The following LGMN variants were observed in gnomAD, a reference collection of about 807,000 sequenced individuals.
LGMN encodes the protein asparaginyl endopeptidase.
Under a neutral mutation model 56.8 loss-of-function variants are expected in LGMN, and 36 were observed. That is an observed-to-expected ratio of 0.63 (90% CI 0.49 to 0.84). The LOEUF is 0.84. Ranked by LOEUF, LGMN falls within the 40% of genes least tolerant of loss-of-function variation. LGMN has a pLI of 0.00. For missense variants in LGMN, 446 were observed against 556.1 expected (o/e 0.80, Z 1.99); for synonymous variants, 199 against 210.1 (o/e 0.95, Z 0.46).
At chr14:92,710,672 T>A (rs1889715050) in intron 10 of LGMN, among the ~76,000 whole-genome samples, 1 of 152,104 alleles carries the variant, frequency 6.6e-6, no homozygotes, top group Non-Finnish European at 1.5e-5. Context: ...CCACCACAAC[T>A]CCTCAACCAA....
intron 11 of LGMN, among the ~76,000 whole-genome samples, chr14:92,707,398 A>G (rs1889493239): frequency 6.6e-6 from 1 of 152,218 alleles, no homozygotes; most frequent in Admixed American, 6.5e-5. Flanking sequence ...CCAGAACCAC[A>G]GACTCCCCAA....
At chr14:92,715,073 A>C (rs1889999095) in intron 5 of LGMN, among the ~76,000 whole-genome samples, 1 of 142,618 alleles carries the variant, frequency 7.0e-6, no homozygotes, top group Non-Finnish European at 1.5e-5. Context: ...ATCTCAGCTC[A>C]CTGTAACTTC....
Position 92,730,822 on chromosome 14 carries a change from C to T in LGMN, c.138+1827G>A, listed in dbSNP as rs2016369. 2.0e-5 allele frequency among the ~76,000 whole-genome samples: 3 copies of T among 151,356 alleles called. No individual in the cohort carries two copies. The East Asian group carries it at 5.8e-4, about 29-fold the overall frequency. ...AGCTGGACCTGTAATATCAGCTACT[C>T]GGGAGGCTGAGGCAGGAGAATAGCT... On this transcript the variant is annotated intron_variant, in intron 2 of 13. Transcript: ENST00000334869.
At chr14:92,733,360 T>C (rs1891150255) in intron 1 of LGMN, among the ~76,000 whole-genome samples, 1 of 152,086 alleles carries the variant, frequency 6.6e-6, no homozygotes, top group South Asian at 2.1e-4. Flanking sequence ...GTCATGCATA[T>C]AAAATAAAAG....
chr14:92,725,810 G>T (rs1890714035), intron 2 of LGMN, among the ~76,000 whole-genome samples: 1 of 151,934 alleles, frequency 6.6e-6, no homozygotes, highest in African/African-American at 2.4e-5. Context: ...CCTGACCTCA[G>T]GTGATCCACC....
intron 12 of LGMN, among the ~76,000 whole-genome samples, chr14:92,705,587 G>C (rs1889389536): frequency 6.6e-6 from 1 of 152,126 alleles, no homozygotes; most frequent in Non-Finnish European, 1.5e-5. Context: ...AGAAGCCAGG[G>C]ACAGGGACAA....
chr14:92,748,159 G>T (rs1377642402), intron 1 of LGMN, among the ~76,000 whole-genome samples: 1 of 152,068 alleles, frequency 6.6e-6, no homozygotes, highest in Non-Finnish European at 1.5e-5. Context: ...CCCAGTAGGG[G>T]CCCTTGGCTG....
At chr14:92,734,204 G>T (rs922366863) in intron 1 of LGMN, among the ~76,000 whole-genome samples, 1 of 147,504 alleles carries the variant, frequency 6.8e-6, no homozygotes, top group African/African-American at 2.4e-5. Flanking sequence ...AGAGGTTAGG[G>T]TCTGAGAGCA....
chr14:92,729,128 T>C (rs2140254128), intron 2 of LGMN, among the ~76,000 whole-genome samples: 1 of 82,796 alleles, frequency 1.2e-5, no homozygotes, highest in Middle Eastern at 5.4e-3. Context: ...TCAGCTTTTC[T>C]TTTTTTTTTT....
intron 1 of LGMN, among the ~76,000 whole-genome samples, chr14:92,745,321 A>G (rs1354469168): frequency 1.3e-5 from 2 of 152,212 alleles, no homozygotes; most frequent in African/African-American, 4.8e-5. Context: ...TTATAGCTAC[A>G]TGTTAACTCA....
At chr14:92,717,088 T>C (rs528048635) in intron 4 of LGMN, among the ~76,000 whole-genome samples, 15 of 152,346 alleles carry the variant, frequency 9.8e-5, no homozygotes, top group Non-Finnish European at 1.9e-4. Flanking sequence ...ATCAGATTAA[T>C]GGTGATATCT....
In LGMN at chr14:92,714,393, C is replaced by T; in HGVS notation, c.463G>A (p.Val155Ile). The T allele has an allele frequency of 6.2e-7, 1 of 1,609,728 alleles. No individual in the cohort carries two copies. Among genetic ancestry groups the T allele is most frequent in the South Asian group, 1.1e-5 (1 of 90,940 alleles). Residue 155 changes from valine to isoleucine, a missense_variant, in exon 6 of 14, where the codon GTT (valine) becomes ATT (isoleucine). Transcript: ENST00000334869. The surrounding 1 kb of genome is among the most constrained non-coding windows in gnomAD (Gnocchi z 5.1). ...AAACTCACATCTTCATTGGGAAAAA[C>T]CAGTATTCCAGTAGATCCATGGTCA... is the stretch of plus-strand genomic sequence containing the variant. ...FTDHGSTGIL[V>I]FPNEDLHVKD...
rs1951708 is a variant in LGMN at position 92,711,846 on chromosome 14, A to G, written c.720T>C (p.Asp240=). Residue 240 remains aspartate, a synonymous_variant, in exon 9 of 14, where the codon GAT becomes GAC. Coordinates refer to ENST00000334869, the MANE Select transcript of LGMN (RefSeq NM_005606.7). ...GDWYSVNWME[D]SDVEDLTKET... ...CCCCCAAAGGGCTCACCACGTCCGA[A>G]TCTTCCATCCAGTTGACGCTGTACC... 1,612,370 of 1,613,206 alleles carry G rather than the reference A, an allele frequency of 1. 805,771 individuals are homozygous for G. The highest frequency in any genetic ancestry group is 1 in the East Asian group (44,872 of 44,872).
chr14:92,745,029 G>A (rs1891757520), intron 1 of LGMN, among the ~76,000 whole-genome samples: 1 of 152,170 alleles, frequency 6.6e-6, no homozygotes, highest in Non-Finnish European at 1.5e-5. Flanking sequence ...TGGGCACAGT[G>A]TCTCCTGCCT....
At chr14:92,721,579 G>A (rs1329412048) in intron 2 of LGMN, among the ~76,000 whole-genome samples, 1 of 152,172 alleles carries the variant, frequency 6.6e-6, no homozygotes, top group Non-Finnish European at 1.5e-5. Flanking sequence ...ACTCCACTCT[G>A]GAAAACATCT....
chr14:92,746,913 G>A (rs767138598), intron 1 of LGMN, among the ~76,000 whole-genome samples: 35 of 152,008 alleles, frequency 2.3e-4, no homozygotes, highest in Non-Finnish European at 4.7e-4. Flanking sequence ...GCGGGCGCCT[G>A]TAGTCCTAGC....
chr14:92,719,242 ACCG>A (rs1566924052), intron 2 of LGMN, among the ~76,000 whole-genome samples: 4 of 22,796 alleles, frequency 1.8e-4, no homozygotes, highest in Non-Finnish European at 2.3e-4. Flanking sequence ...CACCGCCACC[ACCG>A]CCACCACCAC....
rs541026074 is a variant in LGMN, at chr14:92,712,353, A to T, written c.611-398T>A. ...TGAACCTATACAAAAGCTACCACTT[A>T]CTATCTCTCTACCATGGGCTTAGAA... On this transcript the variant is annotated intron_variant, in intron 8 of 13. Transcript: ENST00000334869. Among the ~76,000 whole-genome samples, 3 of 152,330 alleles carry T rather than the reference A, an allele frequency of 2.0e-5. No individual in the cohort carries two copies. The East Asian group carries it at 5.8e-4, about 29-fold the overall frequency.
intron 1 of LGMN, among the ~76,000 whole-genome samples, chr14:92,746,427 C>T (rs1891822967): frequency 6.6e-6 from 1 of 152,172 alleles, no homozygotes; most frequent in African/African-American, 2.4e-5. Context: ...CCTCAAGAGA[C>T]AGAGTTTACT....
Sources: gnomAD v4.1 joint callset for allele counts (sites outside exome capture counted in the v4.1 genomes callset) on GRCh38, gnomAD v4.1.1 for gene constraint, Gnocchi (gnomAD v3.1) non-coding constraint, MANE v1.5 for transcripts, NCBI Gene and HGNC (gene_info 2026-07-23, HGNC 2026-07-21) for gene names.